Variants in ARSH observed in about 807,000 individuals in gnomAD.
ARSH encodes the protein arylsulfatase family member H.
A neutral mutation model predicts 28.7 loss-of-function variants in ARSH; 32 were observed. That is an observed-to-expected ratio of 1.11 (90% CI 0.84 to 1.50). ARSH has a LOEUF of 1.50. Among genes scored for constraint, ARSH ranks in the 40% most tolerant of loss-of-function variants. The probability of loss-of-function intolerance (pLI) is 0.00; values close to 1 mark genes in which losing one functional copy is unlikely to be tolerated. For synonymous variants in ARSH, 176 were observed against 177.3 expected (o/e 0.99, Z 0.06); for missense variants, 440 against 452.4 (o/e 0.97, Z 0.25).
chrX:3,033,538 T>C lies in ARSH; in HGVS notation c.*153T>C. 1 of 602,420 alleles carries C rather than the reference T, an allele frequency of 1.7e-6. No homozygotes were observed. The highest frequency in any genetic ancestry group is 2.4e-6 in the Non-Finnish European group (1 of 414,300). The allele number at this position is 602,420 out of a possible 1,213,427, so 49.6% of individuals were successfully genotyped here. A position where few individuals can be genotyped will look rare whatever the true frequency, so the allele number is the denominator to read the frequency against. ...GAAATCAGTTCTTTCAAGAGCTCGG[T>C]GAAATTAAAGTGGGCCCATATAACA... On this transcript the variant is annotated 3_prime_UTR_variant, in exon 9 of 9. Coordinates refer to ENST00000381130, the MANE Select transcript of ARSH (RefSeq NM_001011719.2).
At position 3,033,185 on chromosome X, in the gene ARSH, C is replaced by G. The variant is rs61995755; in HGVS notation, c.1489C>G (p.Pro497Ala). 3,515 of 1,209,414 alleles carry G rather than the reference C, an allele frequency of 2.9e-3. 8 individuals carry two copies. The highest frequency in any genetic ancestry group is 3.2e-3 in the Non-Finnish European group (2,899 of 895,086). Residue 497 changes from proline to alanine, a missense_variant, in exon 9 of 9, where the codon CCT becomes GCT. Transcript: ENST00000381130. ...CCCTTCAGAAGCCCTTCCACTGAAC[C>G]CTGACAATGAGCCATTATTTGACTC... Reference protein sequence around the residue: ...RDPSEALPLNPDNEPLFDSVI... With the variant: ...RDPSEALPLNADNEPLFDSVI...
At chrX:3,012,585 A>ATATAT in intron 2 of ARSH, among the ~76,000 whole-genome samples, 1 of 12,993 alleles carries the variant, frequency 7.7e-5, no homozygotes, top group Non-Finnish European at 1.3e-4. Flanking sequence ...ATATATATAT[A>ATATAT]TATATATATA....
At chrX:3,032,223 G>T (rs1250435186) in intron 8 of ARSH, among the ~76,000 whole-genome samples, 2 of 110,718 alleles carry the variant, frequency 1.8e-5, no homozygotes, top group East Asian at 5.6e-4. Flanking sequence ...GGCAGAGGTT[G>T]CAGTGAGCTG....
At chrX:3,025,745 A>G (rs1473748593) in intron 6 of ARSH, among the ~76,000 whole-genome samples, 1 of 110,494 alleles carries the variant, frequency 9.1e-6, no homozygotes, top group African/African-American at 3.3e-5. Flanking sequence ...AACAGATCTG[A>G]GTCACCATAT....
intron 1 of ARSH, among the ~76,000 whole-genome samples, chrX:3,008,911 A>T (rs1004021906): frequency 4.5e-5 from 5 of 110,684 alleles, no homozygotes; most frequent in African/African-American, 6.6e-5. Context: ...TGGAAAAAAA[A>T]TGTTGTACCC....
intron 8 of ARSH, among the ~76,000 whole-genome samples, chrX:3,029,963 A>T (rs1300985209): frequency 8.9e-6 from 1 of 112,193 alleles, no homozygotes; most frequent in Non-Finnish European, 1.9e-5. Context: ...CGAACTGCTG[A>T]GCTCAAGTGA....
At chrX:3,024,945 A>G (rs11152555) in intron 6 of ARSH, among the ~76,000 whole-genome samples, 15,632 of 110,780 alleles carry the variant, frequency 0.14, 1,125 homozygotes, top group African/African-American at 0.28. Context: ...AAGGGTATCA[A>G]AATCGTCATC....
At position 3,033,494 on chromosome X, in the gene ARSH, A is replaced by C. The variant is rs2089920862; in HGVS notation, c.*109A>C. ...ATTTGGGATAAAAACTGATGGCCCA[A>C]CCCATTGTTTTATCCTCAGAAATCA... On this transcript the variant is annotated 3_prime_UTR_variant, in exon 9 of 9. Coordinates refer to ENST00000381130, the MANE Select transcript of ARSH (RefSeq NM_001011719.2). The C allele has an allele frequency of 1.2e-6, 1 of 865,701 alleles. No individual in the cohort carries two copies. Among genetic ancestry groups the C allele is most frequent in the Non-Finnish European group, 1.6e-6 (1 of 642,889 alleles). 71.3% of individuals were successfully genotyped at this position (865,701 alleles called of 1,213,427 possible). A position where few individuals can be genotyped will look rare whatever the true frequency, so the allele number is the denominator to read the frequency against.
intron 8 of ARSH, among the ~76,000 whole-genome samples, chrX:3,031,046 G>A (rs1274654334): frequency 9.0e-6 from 1 of 110,507 alleles, no homozygotes; most frequent in Non-Finnish European, 1.9e-5. Context: ...CAGCTACTCA[G>A]GAGGCTGAGT....
At chrX:3,023,060 C>T (rs1028211493) in intron 5 of ARSH, among the ~76,000 whole-genome samples, 5 of 105,926 alleles carry the variant, frequency 4.7e-5, no homozygotes, top group African/African-American at 1.4e-4. Flanking sequence ...ATAATGAACA[C>T]ATTATACAAT....
At chrX:3,015,538 GC>G in intron 4 of ARSH, 145 bp downstream of exon 4, 1 of 581,462 alleles carries the variant, frequency 1.7e-6, no homozygotes, top group Non-Finnish European at 2.6e-6. Flanking sequence ...GTATTAATTT[GC>G]TTAGAATAAT....
At position 3,012,594 on chromosome X, in the gene ARSH, TATATA is replaced by T. The variant is rs1278562177; in HGVS notation, c.215-447_215-443del. ...ATATATATATATATATATATATATA[TATATA>T]ATATATATATGTATGTGTATATACA... On this transcript the variant is annotated intron_variant, in intron 2 of 8. Transcript: ENST00000381130. Among the ~76,000 whole-genome samples, 70 of 24,600 alleles carry T rather than the reference TATATA, an allele frequency of 2.8e-3. 1 individual carries two copies. The highest frequency in any genetic ancestry group is 0.012 in the African/African-American group (66 of 5,352). The allele number at this position is 24,600 out of a possible 115,157, so 21.4% of individuals were successfully genotyped here. A position where few individuals can be genotyped will look rare whatever the true frequency, so the allele number is the denominator to read the frequency against.
intron 5 of ARSH, among the ~76,000 whole-genome samples, chrX:3,021,614 T>C (rs1175799058): frequency 9.0e-6 from 1 of 111,344 alleles, no homozygotes; most frequent in African/African-American, 3.3e-5. Context: ...AAATACAACG[T>C]GCAAAATGAA....
At chrX:3,029,532 T>C (rs2089908189) in intron 8 of ARSH, among the ~76,000 whole-genome samples, 164 bp downstream of exon 8, 1 of 111,594 alleles carries the variant, frequency 9.0e-6, no homozygotes, top group Non-Finnish European at 1.9e-5. Context: ...GGATTTTATT[T>C]TATTTTATTT....
At chrX:3,015,884 G>A (rs1269502785) in intron 4 of ARSH, among the ~76,000 whole-genome samples, 3 of 110,463 alleles carry the variant, frequency 2.7e-5, no homozygotes, top group African/African-American at 9.9e-5. Flanking sequence ...CTCTTAGGTA[G>A]AATTAAATAG....
In ARSH at chrX:3,033,108, C is replaced by T. The variant is rs150356099; in HGVS notation, c.1412C>T (p.Ser471Leu). The change falls in exon 9 of 9, where the codon TCG becomes TTG. Residue 471 changes from serine (S) to leucine (L), a missense_variant. Transcript: ENST00000381130. ...ACYGSGICSC[S>L]GDVTYHDPPL... ...TATGGGAGTGGAATATGTTCATGTT[C>T]GGGGGATGTAACCTACCACGACCCA... 3.0e-5 allele frequency: 36 copies of T among 1,208,976 alleles called. No homozygotes were observed. Among genetic ancestry groups the T allele is most frequent in the Middle Eastern group, 4.6e-4 (2 of 4,373 alleles).
chrX:3,026,291 G>T (rs752032388), intron 6 of ARSH, among the ~76,000 whole-genome samples: 6 of 110,688 alleles, frequency 5.4e-5, no homozygotes, highest in Non-Finnish European at 1.1e-4. Flanking sequence ...GACAGAAGGA[G>T]ACAGTGTCTT....
chrX:3,017,659 T>A (rs1025746056), intron 4 of ARSH, among the ~76,000 whole-genome samples: 9 of 112,105 alleles, frequency 8.0e-5, no homozygotes, highest in Non-Finnish European at 1.5e-4. Context: ...AGTGAGGTTA[T>A]CTTGTTCTCT....
At chrX:3,030,713 T>C (rs944439286) in intron 8 of ARSH, among the ~76,000 whole-genome samples, 2 of 111,843 alleles carry the variant, frequency 1.8e-5, no homozygotes, top group South Asian at 7.5e-4. Context: ...TATCTCCACT[T>C]GGCTCTGCCC....
Sources: gnomAD v4.1 joint callset for allele counts (sites outside exome capture counted in the v4.1 genomes callset) on GRCh38, gnomAD v4.1.1 for gene constraint, MANE v1.5 for transcripts, NCBI Gene and HGNC (gene_info 2026-07-23, HGNC 2026-07-21) for gene names.